The following PLXNA4 variants were observed in gnomAD, a reference collection of about 807,000 sequenced individuals.
The protein encoded by PLXNA4 is plexin A4, also known as plexin-A4.
In PLXNA4, 44 loss-of-function variants were observed where a neutral mutation model predicts 191.8. That is an observed-to-expected ratio of 0.23 (90% CI 0.18 to 0.29). PLXNA4 has a LOEUF of 0.29. Among genes scored for constraint, PLXNA4 ranks in the 10% least tolerant of loss-of-function variants. PLXNA4 has a pLI of 1.00. For synonymous variants in PLXNA4, 1,082 were observed against 1,009.5 expected (o/e 1.07, Z -1.36); for missense variants, 1,800 against 2,488.8 (o/e 0.72, Z 5.89).
At chr7:132,139,562 G>T (rs1584754309) in intron 30 of PLXNA4, among the ~76,000 whole-genome samples, 1 of 152,318 alleles carries the variant, frequency 6.6e-6, no homozygotes, top group East Asian at 1.9e-4. Flanking sequence ...TGGACAAGAG[G>T]ATGAGCTGGG....
intron 3 of PLXNA4, among the ~76,000 whole-genome samples, chr7:132,462,725 G>A (rs1796555383): frequency 6.6e-6 from 1 of 151,848 alleles, no homozygotes; most frequent in Non-Finnish European, 1.5e-5. Flanking sequence ...TCACAGGCAT[G>A]AGCCACCACG....
chr7:132,359,740 C>G (rs1476014482), intron 3 of PLXNA4, among the ~76,000 whole-genome samples: 1 of 152,138 alleles, frequency 6.6e-6, no homozygotes, highest in Non-Finnish European at 1.5e-5. Context: ...CTGCATGTGT[C>G]TACGTGTGTA....
intron 1 of PLXNA4, among the ~76,000 whole-genome samples, chr7:132,552,011 A>G (rs1585320961): frequency 6.6e-6 from 1 of 152,240 alleles, no homozygotes; most frequent in African/African-American, 2.4e-5. Context: ...GAGAGGAGGG[A>G]AAAGAATCTT....
At chr7:132,511,283 T>C (rs1237301188) in intron 1 of PLXNA4, among the ~76,000 whole-genome samples, 1 of 152,222 alleles carries the variant, frequency 6.6e-6, no homozygotes, top group Non-Finnish European at 1.5e-5. Context: ...ATCAGAATTG[T>C]CTTATTCCTA....
At chr7:132,577,016 C>T (rs1336259606), upstream of PLXNA4, 2 of 146,064 alleles carry the variant, frequency 1.4e-5, no homozygotes, top group Non-Finnish European at 3.0e-5. Context: ...CGGCAGCCCC[C>T]ACCCTTGCCG....
chr7:132,340,010 T>C (rs1802964740), intron 3 of PLXNA4, among the ~76,000 whole-genome samples: 1 of 152,216 alleles, frequency 6.6e-6, no homozygotes, highest in Admixed American at 6.5e-5. Flanking sequence ...TCAGCATCCC[T>C]GCCTAGCTAG....
Position 132,490,964 on chromosome 7 carries a change from G to A in PLXNA4, c.1189-1490C>T, listed in dbSNP as rs557794086. ...TCTCAGCTGGGCTCTGGGGTGCTGG[G>A]GAGTGGTGAAGACCCTGGTAGTAGC... On this transcript the variant is annotated intron_variant, in intron 2 of 31. Coordinates refer to ENST00000321063, the MANE Select transcript of PLXNA4 (RefSeq NM_020911.2). Among the ~76,000 whole-genome samples, 6 of 152,164 alleles carry A rather than the reference G, an allele frequency of 3.9e-5. No individual in the cohort carries two copies. In the South Asian group the frequency reaches 1.2e-3, roughly 32 times the overall value.
At chr7:132,327,944 T>A (rs1257167907) in intron 3 of PLXNA4, among the ~76,000 whole-genome samples, 1 of 152,152 alleles carries the variant, frequency 6.6e-6, no homozygotes, top group African/African-American at 2.4e-5. Flanking sequence ...AGAGCCGCCC[T>A]GTGTGGGGAC....
chr7:132,606,717 G>A (rs192793123), intron 2 of PLXNA4, among the ~76,000 whole-genome samples: 221 of 152,286 alleles, frequency 1.5e-3, no homozygotes, highest in Non-Finnish European at 2.8e-3. Flanking sequence ...AGTTTTACAC[G>A]TAACTCTCTA....
At chr7:132,564,536 C>T (rs1229552222) in intron 1 of PLXNA4, among the ~76,000 whole-genome samples, 1 of 152,128 alleles carries the variant, frequency 6.6e-6, no homozygotes, top group East Asian at 1.9e-4. Flanking sequence ...CATGTAAATT[C>T]TCTATTCCCA....
chr7:132,156,903 A>G (rs1795816276), intron 25 of PLXNA4, among the ~76,000 whole-genome samples: 2 of 152,160 alleles, frequency 1.3e-5, no homozygotes, highest in African/African-American at 4.8e-5. Context: ...AAGCAGCTCT[A>G]AACTCTAGAT....
intron 3 of PLXNA4, among the ~76,000 whole-genome samples, chr7:132,365,274 G>A (rs1212234555): frequency 6.6e-6 from 1 of 151,964 alleles, no homozygotes; most frequent in African/African-American, 2.4e-5. Flanking sequence ...CACTGCAGAA[G>A]GTGTCCCTTC....
At chr7:132,640,630 T>C (rs1381011292) in intron 2 of PLXNA4, among the ~76,000 whole-genome samples, 1 of 152,216 alleles carries the variant, frequency 6.6e-6, no homozygotes, top group African/African-American at 2.4e-5. Context: ...AACTTATGGT[T>C]TCCAAAAGTA....
At chr7:132,450,050 A>T (rs1016529761) in intron 3 of PLXNA4, among the ~76,000 whole-genome samples, 6 of 152,110 alleles carry the variant, frequency 3.9e-5, no homozygotes, top group African/African-American at 1.4e-4. Context: ...TCATTTCTCG[A>T]GTCCCCTCTG....
intron 3 of PLXNA4, among the ~76,000 whole-genome samples, chr7:132,303,650 A>C (rs1341102279): frequency 6.6e-6 from 1 of 152,210 alleles, no homozygotes; most frequent in African/African-American, 2.4e-5. Context: ...TGAGGATGAC[A>C]CCAAGGAGGA....
chr7:132,188,997 AGAGAGAGAGAGAGAGAGAGAGAG>A (rs1796985661), intron 14 of PLXNA4, among the ~76,000 whole-genome samples: 9 of 45,772 alleles, frequency 2.0e-4, no homozygotes, highest in East Asian at 6.6e-4. Context: ...AGGAAAGGAG[AGAGAGAGAGAGAGAGAGAGAGAG>A]AGAGAGAGAA....
intron 1 of PLXNA4, among the ~76,000 whole-genome samples, chr7:132,546,984 A>C (rs527870585): frequency 6.6e-6 from 1 of 152,310 alleles, no homozygotes; most frequent in Non-Finnish European, 1.5e-5. Flanking sequence ...GCCCAAAAGG[A>C]TGCTAATTTG....
intron 3 of PLXNA4, among the ~76,000 whole-genome samples, chr7:132,436,005 C>A (rs1238549931): frequency 6.6e-6 from 1 of 152,230 alleles, no homozygotes; most frequent in Non-Finnish European, 1.5e-5. Context: ...CACCCCCGAA[C>A]CCTGCTCCTC....
intron 4 of PLXNA4, among the ~76,000 whole-genome samples, chr7:132,283,650 A>G (rs770400019): frequency 2.6e-5 from 4 of 152,236 alleles, no homozygotes; most frequent in Admixed American, 6.5e-5. Flanking sequence ...GAGACTAGCC[A>G]AGGAAAAGGT....
Sources: gnomAD v4.1 joint callset for allele counts (sites outside exome capture counted in the v4.1 genomes callset) on GRCh38, gnomAD v4.1.1 for gene constraint, MANE v1.5 for transcripts, NCBI Gene and HGNC (gene_info 2026-07-23, HGNC 2026-07-21) for gene names.